Variants in RALYL observed in about 807,000 individuals in gnomAD.
The protein encoded by RALYL is RNA-binding Raly-like protein.
Under a neutral mutation model 35.1 loss-of-function variants are expected in RALYL, and 29 were observed. The observed-to-expected ratio is 0.83, with a 90% CI of 0.61 to 1.13. The LOEUF is 1.13. Ranked by LOEUF, RALYL falls within the 50% of genes most tolerant of loss-of-function variation. The pLI is 0.00. For synonymous variants in RALYL, 120 were observed against 127.6 expected, an observed-to-expected ratio of 0.94 and a Z score of 0.40; for missense variants, 359 against 360.4, an observed-to-expected ratio of 1.00 and a Z score of 0.03.
At chr8:84,622,131 G>A (rs1196842411) in intron 2 of RALYL, among the ~76,000 whole-genome samples, 1 of 152,108 alleles carries the variant, frequency 6.6e-6, no homozygotes, top group Non-Finnish European at 1.5e-5. Flanking sequence ...AACAATTCAA[G>A]ACAAACATAG....
chr8:84,632,183 A>G (rs1824059707), intron 2 of RALYL, among the ~76,000 whole-genome samples: 1 of 151,942 alleles, frequency 6.6e-6, no homozygotes, highest in Non-Finnish European at 1.5e-5. Context: ...GCAGGACCTC[A>G]TAAGACACAG....
At chr8:84,704,606 T>C (rs908333892) in intron 2 of RALYL, among the ~76,000 whole-genome samples, 4 of 152,076 alleles carry the variant, frequency 2.6e-5, no homozygotes, top group African/African-American at 9.7e-5. Context: ...TATGTTCTAA[T>C]AGGAAGAGAA....
At chr8:84,815,763 G>A (rs879829702) in intron 4 of RALYL, among the ~76,000 whole-genome samples, 5 of 151,844 alleles carry the variant, frequency 3.3e-5, no homozygotes, top group Admixed American at 6.6e-5. Flanking sequence ...AAGGCCAGGC[G>A]CGGTGGCTCA....
At chr8:84,510,419 A>G (rs1180208768) in intron 1 of RALYL, among the ~76,000 whole-genome samples, 2 of 152,176 alleles carry the variant, frequency 1.3e-5, no homozygotes, top group East Asian at 3.9e-4. Context: ...CAAAGTGTCT[A>G]AAACCCTGGA....
At chr8:84,375,999 T>G (rs112491728) in intron 1 of RALYL, among the ~76,000 whole-genome samples, 4,503 of 151,960 alleles carry the variant, frequency 0.03, 212 homozygotes, top group African/African-American at 0.1. Flanking sequence ...TTTCCGAAAG[T>G]GAAAAGCTTC....
At chr8:84,685,741 A>T (rs1411986144) in intron 2 of RALYL, among the ~76,000 whole-genome samples, 2 of 152,210 alleles carry the variant, frequency 1.3e-5, no homozygotes, top group Non-Finnish European at 2.9e-5. Flanking sequence ...CCATATTTTT[A>T]AAAATAAGAA....
intron 2 of RALYL, among the ~76,000 whole-genome samples, chr8:84,620,971 G>T (rs1239186835): frequency 6.6e-6 from 1 of 152,270 alleles, no homozygotes; most frequent in East Asian, 1.9e-4. Context: ...CCAGCTGCGT[G>T]CTGGGAGAAC....
At chr8:84,204,877 A>G (rs1206375833) in intron 1 of RALYL, among the ~76,000 whole-genome samples, 5 of 152,156 alleles carry the variant, frequency 3.3e-5, no homozygotes, top group Non-Finnish European at 7.4e-5. Flanking sequence ...CTAGGCATAC[A>G]AAGTATGTGT....
intron 2 of RALYL, among the ~76,000 whole-genome samples, chr8:84,543,820 G>T (rs1320269132): frequency 6.6e-6 from 1 of 151,970 alleles, no homozygotes. Context: ...AAAATACTCT[G>T]GTATCATTTA....
chr8:84,690,872 G>C (rs993050685), intron 2 of RALYL, among the ~76,000 whole-genome samples: 1 of 151,940 alleles, frequency 6.6e-6, no homozygotes, highest in African/African-American at 2.4e-5. Flanking sequence ...AGATATTGGT[G>C]ATATCATCCA....
intron 2 of RALYL, among the ~76,000 whole-genome samples, chr8:84,612,122 C>T (rs1313173307): frequency 1.3e-5 from 2 of 151,774 alleles, no homozygotes; most frequent in African/African-American, 4.8e-5. Flanking sequence ...GAATTGTTTG[C>T]TATGTAGAAG....
At chr8:84,542,340 A>G (rs1465844769) in intron 2 of RALYL, among the ~76,000 whole-genome samples, 1 of 152,134 alleles carries the variant, frequency 6.6e-6, no homozygotes, top group African/African-American at 2.4e-5. Context: ...TATGTATAAT[A>G]TATGTTTCAG....
At chr8:84,889,078 G>T (rs112756306) in intron 8 of RALYL, among the ~76,000 whole-genome samples, 3,598 of 152,192 alleles carry the variant, frequency 0.024, 133 homozygotes, top group African/African-American at 0.074. Context: ...TTTCAAATAT[G>T]AACTTTTAAC....
At chr8:84,909,744 G>T (rs540744514) in intron 8 of RALYL, among the ~76,000 whole-genome samples, 10 of 152,060 alleles carry the variant, frequency 6.6e-5, no homozygotes, top group African/African-American at 1.9e-4. Flanking sequence ...TGGTGCTGGT[G>T]TGAATATTAA....
intron 2 of RALYL, among the ~76,000 whole-genome samples, chr8:84,560,873 G>A (rs2061429993): frequency 6.6e-6 from 1 of 151,930 alleles, no homozygotes; most frequent in Non-Finnish European, 1.5e-5. Context: ...TTCATAGAGA[G>A]TTACCTATTC....
intron 2 of RALYL, among the ~76,000 whole-genome samples, chr8:84,680,184 CT>C (rs1183160789): frequency 6.6e-6 from 1 of 152,062 alleles, no homozygotes; most frequent in Admixed American, 6.6e-5. Flanking sequence ...ATGAACTCAT[CT>C]TTTTTATGGC....
intron 1 of RALYL, among the ~76,000 whole-genome samples, chr8:84,395,431 C>T (rs939442967): frequency 6.6e-6 from 1 of 151,712 alleles, no homozygotes; most frequent in Admixed American, 6.6e-5. Flanking sequence ...GTTGAAAATA[C>T]GTGAGGATTT....
intron 1 of RALYL, among the ~76,000 whole-genome samples, chr8:84,504,590 G>T (rs1384939294): frequency 6.6e-6 from 1 of 152,094 alleles, no homozygotes; most frequent in Non-Finnish European, 1.5e-5. Flanking sequence ...ATAGGGAATG[G>T]CTAATCAAAT....
chr8:84,660,964 T>C (rs957970942), intron 2 of RALYL, among the ~76,000 whole-genome samples: 11 of 152,118 alleles, frequency 7.2e-5, no homozygotes, highest in Non-Finnish European at 1.3e-4. Context: ...AGTCTTCCTC[T>C]GTCACCCAGG....
Sources: allele counts gnomAD v4.1 joint callset (sites outside exome capture counted in the v4.1 genomes callset), GRCh38; gene constraint gnomAD v4.1.1; transcripts MANE v1.5; gene names NCBI Gene and HGNC (gene_info 2026-07-23, HGNC 2026-07-21).